Variants in CCDC15 observed in about 807,000 individuals in gnomAD.
CCDC15 encodes coiled-coil domain containing 15, also known as coiled-coil domain-containing protein 15.
Under a neutral mutation model 114.5 loss-of-function variants are expected in CCDC15, and 105 were observed. The ratio of observed to expected loss-of-function variants is 0.92; its 90% CI spans 0.78 to 1.08. CCDC15 has a LOEUF of 1.08. CCDC15 is among the 50% of genes least tolerant of loss of function. The pLI is 0.00. For missense variants in CCDC15, 1,105 were observed against 1,093.6 expected (o/e 1.01, Z -0.15); for synonymous variants, 334 against 377.8 (o/e 0.88, Z 1.34).
intron 11 of CCDC15, among the ~76,000 whole-genome samples, chr11:125,000,811 A>G (rs1042801326): frequency 3.3e-5 from 5 of 152,322 alleles, no homozygotes; most frequent in Non-Finnish European, 7.3e-5. Context: ...AAGTTGTTAC[A>G]AACACTGAAT....
intron 6 of CCDC15, among the ~76,000 whole-genome samples, chr11:124,978,315 A>T (rs1948010027): frequency 6.6e-6 from 1 of 152,166 alleles, no homozygotes; most frequent in African/African-American, 2.4e-5. Context: ...TAGTGCTGTG[A>T]TGAAAATATG....
chr11:124,987,445 T>C lies in CCDC15; in HGVS notation c.1219T>C (p.Leu407=). The change falls in exon 8 of 16, where the codon TTG becomes CTG. Residue 407 remains leucine (L), a synonymous_variant. Coordinates refer to ENST00000344762, the MANE Select transcript of CCDC15 (RefSeq NM_025004.3). ...SIELEEGSIV[L]KTQDFLPTNQ... is the part of the protein sequence containing the mutation. ...TGAGCTAGAAGAAGGGAGTATTGTG[T>C]TGAAAACCCAGGATTTTCTACCCAC... is the stretch of plus-strand genomic sequence containing the variant. 2 of 1,613,962 alleles carry C rather than the reference T, an allele frequency of 1.2e-6. No individual in the cohort carries two copies. The highest frequency in any genetic ancestry group is 1.7e-6 in the Non-Finnish European group (2 of 1,179,900).
In CCDC15 at chr11:124,987,907, G is replaced by T; in HGVS notation, c.1681G>T (p.Asp561Tyr). The change falls in exon 8 of 16, where the codon GAT (aspartate) becomes TAT (tyrosine). Residue 561 changes from aspartate (D) to tyrosine (Y), a missense_variant. Physicochemically the swap from Asp to Tyr is radical, Grantham distance 160. Coordinates refer to ENST00000344762, the MANE Select transcript of CCDC15 (RefSeq NM_025004.3). ...TATTCTACCCAAATGTCAGGACCAGGATTTTCTACCCAGAGACCAAGGTGT... is the reference window on the plus strand; with the variant it reads ...TATTCTACCCAAATGTCAGGACCAGTATTTTCTACCCAGAGACCAAGGTGT... ...WNILPKCQDQ[D>Y]FLPRDQGVLP... The T allele has an allele frequency of 6.2e-7, 1 of 1,613,986 alleles. No individual in the cohort carries two copies. Among genetic ancestry groups the T allele is most frequent in the African/African-American group, 1.3e-5 (1 of 75,028 alleles).
intron 13 of CCDC15, among the ~76,000 whole-genome samples, chr11:125,011,248 A>ATTATTATTATTTT (rs1440220391): frequency 2.2e-4 from 32 of 147,236 alleles, no homozygotes; most frequent in African/African-American, 6.3e-4. Context: ...TATTATTATT[A>ATTATTATTATTTT]TTTTTTAAGA....
Position 124,954,429 on chromosome 11 carries a change from C to T in CCDC15, c.-10+59C>T, listed in dbSNP as rs955726995. On this transcript the variant is annotated intron_variant, in intron 1 of 15. Coordinates refer to ENST00000344762, the MANE Select transcript of CCDC15 (RefSeq NM_025004.3). Reference sequence around the variant, plus strand: ...CTGTCATTCCTCCCTTCCCGCCTCGCTGCGCCCACAGCTGAGGACAGTCTT... The same window carrying T: ...CTGTCATTCCTCCCTTCCCGCCTCGTTGCGCCCACAGCTGAGGACAGTCTT... 89 of 207,648 alleles carry T rather than the reference C, an allele frequency of 4.3e-4. 1 individual carries two copies. Among genetic ancestry groups the T allele is most frequent in the African/African-American group, 2.0e-3 (85 of 43,162 alleles). The allele number at this position is 207,648 out of a possible 1,614,324, so 12.9% of individuals were successfully genotyped here. A position where few individuals can be genotyped will look rare whatever the true frequency, so the allele number is the denominator to read the frequency against.
chr11:124,974,237 T>C (rs1193429336), intron 4 of CCDC15, among the ~76,000 whole-genome samples: 1 of 152,212 alleles, frequency 6.6e-6, no homozygotes, highest in Non-Finnish European at 1.5e-5. Flanking sequence ...TGCCTTGGCC[T>C]CCCAAAGTGC....
At chr11:124,975,589 C>T (rs912785560) in intron 5 of CCDC15, among the ~76,000 whole-genome samples, 6 of 152,140 alleles carry the variant, frequency 3.9e-5, no homozygotes, top group Non-Finnish European at 8.8e-5. Context: ...AAAGATCCCT[C>T]AAGGAGCTTC....
chr11:125,038,552 C>A lies in CCDC15; in HGVS notation c.2533C>A (p.Gln845Lys), dbSNP rs200602096. 1,709 of 1,580,216 alleles carry A rather than the reference C, an allele frequency of 1.1e-3. 3 individuals are homozygous for A. The highest frequency in any genetic ancestry group is 1.3e-3 in the Non-Finnish European group (1,552 of 1,164,840). Residue 845 changes from glutamine (Q) to lysine (K), a missense_variant, in exon 14 of 16, where the codon CAA becomes AAA. Coordinates refer to ENST00000344762, the MANE Select transcript of CCDC15 (RefSeq NM_025004.3). ...TGAGATATTAGCCCAGTTACAACTT[C>A]AAGAAATAAAAGGAACCAGAGAAAA... ...LSEILAQLQL[Q>K]EIKGTREKQQ...
Position 124,987,528 on chromosome 11 carries a change from C to A in CCDC15, c.1302C>A (p.Leu434=). Residue 434 remains leucine (L), a synonymous_variant, in exon 8 of 16, where the codon CTC becomes CTA. Coordinates refer to ENST00000344762, the MANE Select transcript of CCDC15 (RefSeq NM_025004.3). ...TTTTACTCAAAGACCACTGTGTTCT[C>A]CCTAAAGACCAGAGTATTCTACTCA... is the stretch of plus-strand genomic sequence containing the variant. ...QDVLLKDHCV[L]PKDQSILLKY... The A allele has an allele frequency of 6.2e-7, 1 of 1,614,036 alleles. No individual in the cohort carries two copies. The highest frequency in any genetic ancestry group is 8.5e-7 in the Non-Finnish European group (1 of 1,179,898).
chr11:124,975,253 A>G (rs1388466557), intron 5 of CCDC15, 44 bp downstream of exon 5: 8 of 1,149,214 alleles, frequency 7.0e-6, no homozygotes, highest in Non-Finnish European at 9.8e-6. Flanking sequence ...TACAGGTAAA[A>G]AATACAGATA....
At chr11:124,984,577 C>T (rs562709397) in intron 6 of CCDC15, among the ~76,000 whole-genome samples, 5 of 152,176 alleles carry the variant, frequency 3.3e-5, no homozygotes, top group Admixed American at 1.3e-4. Flanking sequence ...TTACCAAACC[C>T]TCTAGGCTTT....
At chr11:125,033,854 T>A (rs998694051) in intron 13 of CCDC15, among the ~76,000 whole-genome samples, 9 of 152,220 alleles carry the variant, frequency 5.9e-5, no homozygotes, top group African/African-American at 2.2e-4. Flanking sequence ...CTATGTTCCT[T>A]CTATCATCAT....
chr11:124,959,861 T>C lies in CCDC15; in HGVS notation c.374T>C (p.Leu125Ser). 6.2e-7 allele frequency: 1 copy of C among 1,601,866 alleles called. No individual in the cohort carries two copies. Among genetic ancestry groups the C allele is most frequent in the Non-Finnish European group, 8.5e-7 (1 of 1,173,344 alleles). The change falls in exon 4 of 16, where the codon TTA becomes TCA. Residue 125 changes from leucine (L) to serine (S), a missense_variant. Coordinates refer to ENST00000344762, the MANE Select transcript of CCDC15 (RefSeq NM_025004.3). ...SIAMQSSATH[L>S]TSKRTSVFPN... ...GCCATGCAGTCTTCAGCAACACACT[T>C]AACTTCCAAAAGGACAAGTGTTTTT...
chr11:124,986,415 GT>G (rs747835233), intron 6 of CCDC15, among the ~76,000 whole-genome samples: 50 of 152,292 alleles, frequency 3.3e-4, no homozygotes, highest in Non-Finnish European at 6.2e-4. Context: ...GATAGGGAGT[GT>G]TGTAAATTTG....
intron 13 of CCDC15, among the ~76,000 whole-genome samples, chr11:125,036,011 C>T (rs578085556): frequency 4.0e-5 from 6 of 150,504 alleles, no homozygotes; most frequent in East Asian, 2.0e-4. Context: ...GAGTAGCTTA[C>T]ACACCACAAT....
chr11:125,006,746 A>G (rs950846177), intron 13 of CCDC15, among the ~76,000 whole-genome samples: 6 of 152,054 alleles, frequency 3.9e-5, no homozygotes, highest in Non-Finnish European at 8.8e-5. Context: ...GTGGATGTCC[A>G]GTTGTTCCAG....
At chr11:124,968,596 G>A (rs1039521130) in intron 4 of CCDC15, among the ~76,000 whole-genome samples, 8 of 152,130 alleles carry the variant, frequency 5.3e-5, no homozygotes, top group South Asian at 2.1e-4. Context: ...GAAATCCCCC[G>A]ACTGCTTGCA....
intron 6 of CCDC15, among the ~76,000 whole-genome samples, chr11:124,984,248 G>A (rs1948120469): frequency 6.6e-6 from 1 of 152,106 alleles, no homozygotes; most frequent in Admixed American, 6.5e-5. Flanking sequence ...GACGCAGTGG[G>A]GGAAGGGCAT....
intron 13 of CCDC15, among the ~76,000 whole-genome samples, chr11:125,023,970 G>C (rs1181105723): frequency 1.3e-5 from 2 of 151,834 alleles, no homozygotes; most frequent in Non-Finnish European, 2.9e-5. Flanking sequence ...GAGGTGAGAG[G>C]GTGGGAGTGA....
Sources: gnomAD v4.1 joint callset for allele counts (sites outside exome capture counted in the v4.1 genomes callset) on GRCh38, gnomAD v4.1.1 for gene constraint, MANE v1.5 for transcripts, NCBI Gene and HGNC (gene_info 2026-07-23, HGNC 2026-07-21) for gene names.